OPCML: variants seen among roughly 807,000 people sequenced by gnomAD.
OPCML encodes opioid binding protein/cell adhesion molecule like, also known as opioid-binding protein/cell adhesion molecule.
Under a neutral mutation model 37.8 loss-of-function variants are expected in OPCML, and 13 were observed. The observed-to-expected ratio is 0.34, with a 90% CI of 0.22 to 0.55. The LOEUF is 0.55. Ranked by LOEUF, OPCML falls within the 20% of genes least tolerant of loss-of-function variation. The pLI, the probability that OPCML is intolerant of heterozygous loss-of-function variation, is 0.91. For synonymous variants in OPCML, 176 were observed against 168.8 expected (o/e 1.04, Z -0.33); for missense variants, 341 against 435.6 (o/e 0.78, Z 1.93).
chr11:132,586,930 G>A (rs2096473993), intron 3 of OPCML, among the ~76,000 whole-genome samples: 1 of 152,186 alleles, frequency 6.6e-6, no homozygotes, highest in Non-Finnish European at 1.5e-5. Context: ...AGGCTTGGGA[G>A]CCCTCTGCAG....
At chr11:132,966,916 C>T (rs1195957828) in intron 1 of OPCML, among the ~76,000 whole-genome samples, 1 of 151,938 alleles carries the variant, frequency 6.6e-6, no homozygotes, top group South Asian at 2.1e-4. Context: ...TAAAGTTCAA[C>T]CTATTTGTAT....
intron 1 of OPCML, among the ~76,000 whole-genome samples, chr11:133,311,346 C>T (rs1166705863): frequency 1.3e-5 from 2 of 152,176 alleles, no homozygotes; most frequent in Non-Finnish European, 2.9e-5. Flanking sequence ...ACTTATTCTT[C>T]TTGTTATGCA....
intron 1 of OPCML, among the ~76,000 whole-genome samples, chr11:133,454,928 T>TC (rs1200570121): frequency 2.0e-5 from 3 of 152,206 alleles, no homozygotes; most frequent in Admixed American, 2.0e-4. Flanking sequence ...CCAGTTTTTC[T>TC]CATCACTTAT....
chr11:133,165,868 A>G (rs1181420969), intron 1 of OPCML, among the ~76,000 whole-genome samples: 3 of 152,230 alleles, frequency 2.0e-5, no homozygotes, highest in Non-Finnish European at 4.4e-5. Flanking sequence ...CACAAGAAGA[A>G]TCTGACCTAG....
At position 133,140,947 on chromosome 11, in the gene OPCML, G is replaced by A. The variant is rs1949795066; in HGVS notation, c.62-197937C>T. On this transcript the variant is annotated intron_variant, in intron 1 of 7. Transcript: ENST00000524381. ...CGACGACGACGAAGAAGAAGAAGAC[G>A]ACGAAGAAGAAGAAGAAGAAGAAGA... Among the ~76,000 whole-genome samples the A allele has an allele frequency of 2.2e-4, 2 of 9,058 alleles. 1 individual carries two copies. Among genetic ancestry groups the A allele is most frequent in the African/African-American group, 5.0e-4 (2 of 4,018 alleles). The allele number at this position is 9,058 out of a possible 152,430, so 5.9% of individuals were successfully genotyped here.
At chr11:132,819,773 CAA>C (rs1939862923) in intron 2 of OPCML, among the ~76,000 whole-genome samples, 1 of 152,138 alleles carries the variant, frequency 6.6e-6, no homozygotes, top group East Asian at 1.9e-4. Flanking sequence ...AGAAATACAA[CAA>C]GAGACATCAT....
In OPCML at chr11:132,416,326, C is replaced by G. The variant is rs1287778815; in HGVS notation, c.*3867G>C. On this transcript the variant is annotated 3_prime_UTR_variant, in exon 8 of 8. Coordinates refer to ENST00000524381, the MANE Select transcript of OPCML (RefSeq NM_001012393.5). Reference sequence around the variant, plus strand: ...AGATCTTACCTCATCTTAAGCCATTCCTCCCCTCCTACCATGGGCTGGCGA... The same window carrying G: ...AGATCTTACCTCATCTTAAGCCATTGCTCCCCTCCTACCATGGGCTGGCGA... 6.6e-6 allele frequency: 1 copy of G among 152,154 alleles called. No individual in the cohort carries two copies. The highest frequency in any genetic ancestry group is 2.4e-5 in the African/African-American group (1 of 41,408). The allele number at this position is 152,154 out of a possible 1,614,324, so 9.4% of individuals were successfully genotyped here. A position where few individuals can be genotyped will look rare whatever the true frequency, so the allele number is the denominator to read the frequency against.
chr11:133,373,444 T>C (rs1233854111), intron 1 of OPCML, among the ~76,000 whole-genome samples: 2 of 133,762 alleles, frequency 1.5e-5, no homozygotes, highest in African/African-American at 6.2e-5. Flanking sequence ...TATATATATA[T>C]ATATACACAC....
intron 2 of OPCML, among the ~76,000 whole-genome samples, chr11:132,697,930 G>A (rs1943655234): frequency 6.6e-6 from 1 of 150,432 alleles, no homozygotes; most frequent in Non-Finnish European, 1.5e-5. Flanking sequence ...ACCACACCAG[G>A]TTAATTTTGT....
chr11:132,844,712 C>T (rs1176491150), intron 2 of OPCML, among the ~76,000 whole-genome samples: 1 of 152,002 alleles, frequency 6.6e-6, no homozygotes, highest in Non-Finnish European at 1.5e-5. Flanking sequence ...GCCATCGTAG[C>T]ATGAAAAAGA....
At chr11:133,184,184 C>T (rs1308025861) in intron 1 of OPCML, among the ~76,000 whole-genome samples, 2 of 152,134 alleles carry the variant, frequency 1.3e-5, no homozygotes, top group Non-Finnish European at 2.9e-5. Flanking sequence ...TTTCCTCACT[C>T]GCTTAACACT....
chr11:132,908,581 T>A (rs970968702), intron 2 of OPCML, among the ~76,000 whole-genome samples: 9 of 152,342 alleles, frequency 5.9e-5, no homozygotes, highest in African/African-American at 2.2e-4. Flanking sequence ...CAATTCAGGC[T>A]AAGTGGTCTA....
intron 3 of OPCML, among the ~76,000 whole-genome samples, chr11:132,640,584 C>T (rs753251073): frequency 1.2e-4 from 18 of 152,038 alleles, no homozygotes; most frequent in Admixed American, 5.2e-4. Context: ...CATTTTTGAG[C>T]GTCTAATCTA....
intron 1 of OPCML, among the ~76,000 whole-genome samples, chr11:132,951,812 T>C (rs1018538280): frequency 5.3e-5 from 8 of 152,172 alleles, no homozygotes; most frequent in African/African-American, 1.7e-4. Flanking sequence ...GGTTTTTCTC[T>C]GAGTTTGAAG....
At chr11:132,946,746 G>T (rs540283349) in intron 1 of OPCML, among the ~76,000 whole-genome samples, 19 of 152,302 alleles carry the variant, frequency 1.2e-4, no homozygotes, top group Middle Eastern at 3.4e-3. Context: ...GATGCAGAGA[G>T]GAGAGGCTGG....
At chr11:132,828,051 T>C (rs931830349) in intron 2 of OPCML, among the ~76,000 whole-genome samples, 2 of 152,126 alleles carry the variant, frequency 1.3e-5, no homozygotes, top group African/African-American at 2.4e-5. Context: ...AATGGAATAT[T>C]ATTCAGTGCT....
At chr11:132,629,984 G>A (rs531256840) in intron 3 of OPCML, among the ~76,000 whole-genome samples, 36 of 152,200 alleles carry the variant, frequency 2.4e-4, no homozygotes, top group African/African-American at 8.2e-4. Context: ...ACATTAAAAG[G>A]TCATTTTTCA....
intron 1 of OPCML, among the ~76,000 whole-genome samples, chr11:133,078,264 T>C (rs918319517): frequency 6.6e-6 from 1 of 152,020 alleles, no homozygotes; most frequent in African/African-American, 2.4e-5. Flanking sequence ...CTGATAAACA[T>C]GGGGCTGAGT....
At chr11:133,459,949 CATG>C (rs1946822494) in intron 1 of OPCML, among the ~76,000 whole-genome samples, 1 of 151,998 alleles carries the variant, frequency 6.6e-6, no homozygotes, top group Non-Finnish European at 1.5e-5. Flanking sequence ...GTGCACTCTT[CATG>C]ATAACTCATG....
Sources: gnomAD v4.1 joint callset for allele counts (sites outside exome capture counted in the v4.1 genomes callset) on GRCh38, gnomAD v4.1.1 for gene constraint, MANE v1.5 for transcripts, NCBI Gene and HGNC (gene_info 2026-07-23, HGNC 2026-07-21) for gene names.